INPP4B: variants seen among roughly 807,000 people sequenced by gnomAD.
INPP4B encodes the protein inositol polyphosphate-4-phosphatase type II B.
A neutral mutation model predicts 122.5 loss-of-function variants in INPP4B; 55 were observed. The observed-to-expected ratio is 0.45, with a 90% CI of 0.36 to 0.56. INPP4B has a LOEUF of 0.56. INPP4B is among the 20% of genes least tolerant of loss of function. The pLI, the probability that INPP4B is intolerant of heterozygous loss-of-function variation, is 0.00. For synonymous variants in INPP4B, 403 were observed against 388.7 expected (o/e 1.04, Z -0.43); for missense variants, 1,000 against 1,097.7 (o/e 0.91, Z 1.26).
intron 2 of INPP4B, among the ~76,000 whole-genome samples, chr4:142,521,928 G>T (rs978960131): frequency 6.6e-6 from 1 of 151,960 alleles, no homozygotes; most frequent in Admixed American, 6.6e-5. Context: ...AATTTGTTTG[G>T]TATTGAGAAA....
rs1272545548 is a variant in INPP4B at position 142,254,789 on chromosome 4, T to C, written c.688+5703A>G. 7.9e-5 allele frequency among the ~76,000 whole-genome samples: 12 copies of C among 152,252 alleles called. No individual in the cohort carries two copies. In the South Asian group the frequency reaches 1.9e-3, roughly 24 times the overall value. On this transcript the variant is annotated intron_variant, in intron 11 of 25. Transcript: ENST00000262992. ...AGGTGGAAAACACTCTGCAGGATATTATCCAGGAGAACTTCCCCAATCTAG... is the reference window on the plus strand; with the variant it reads ...AGGTGGAAAACACTCTGCAGGATATCATCCAGGAGAACTTCCCCAATCTAG...
intron 2 of INPP4B, among the ~76,000 whole-genome samples, chr4:142,557,418 T>C (rs1042801728): frequency 2.0e-5 from 3 of 151,974 alleles, no homozygotes; most frequent in East Asian, 1.9e-4. Flanking sequence ...GACCTTGAAG[T>C]TCACCTAGTC....
chr4:142,686,592 C>G (rs1759379163), intron 2 of INPP4B, among the ~76,000 whole-genome samples: 1 of 152,080 alleles, frequency 6.6e-6, no homozygotes, highest in South Asian at 2.1e-4. Context: ...AATATTGTTA[C>G]ATCTTTGACA....
intron 7 of INPP4B, among the ~76,000 whole-genome samples, chr4:142,359,740 G>GC (rs1407554027): frequency 6.6e-6 from 1 of 151,856 alleles, no homozygotes; most frequent in Non-Finnish European, 1.5e-5. Flanking sequence ...CTAGCTTTAT[G>GC]CTTTATGCTA....
At chr4:142,171,714 T>G (rs1036266889) in intron 16 of INPP4B, among the ~76,000 whole-genome samples, 4 of 151,782 alleles carry the variant, frequency 2.6e-5, no homozygotes, top group Admixed American at 6.6e-5. Flanking sequence ...TCCTCCTAGT[T>G]TTAAGGACTG....
chr4:142,152,539 C>T (rs913004369), intron 17 of INPP4B, among the ~76,000 whole-genome samples: 4 of 152,134 alleles, frequency 2.6e-5, no homozygotes, highest in Admixed American at 1.3e-4. Context: ...CCATCTTTTC[C>T]GACTGTCACA....
At chr4:142,727,848 A>C (rs1310336721) in intron 1 of INPP4B, among the ~76,000 whole-genome samples, 1 of 152,212 alleles carries the variant, frequency 6.6e-6, no homozygotes, top group Non-Finnish European at 1.5e-5. Context: ...ACTGCACTCC[A>C]GCTTGGGCAA....
chr4:142,459,254 A>G (rs1816196867), intron 3 of INPP4B, among the ~76,000 whole-genome samples: 1 of 151,160 alleles, frequency 6.6e-6, no homozygotes, highest in Admixed American at 6.6e-5. Flanking sequence ...TTTCACAGAT[A>G]CGGATCAAAG....
chr4:142,339,304 C>T (rs1053277392), intron 7 of INPP4B, among the ~76,000 whole-genome samples: 3 of 152,174 alleles, frequency 2.0e-5, no homozygotes, highest in Admixed American at 1.3e-4. Context: ...GACTTAATAG[C>T]CATGCTTGTG....
chr4:142,144,413 G>C (rs1263812035), intron 18 of INPP4B, among the ~76,000 whole-genome samples: 1 of 151,890 alleles, frequency 6.6e-6, no homozygotes, highest in Non-Finnish European at 1.5e-5. Flanking sequence ...AATGGACATA[G>C]TCACTAAAAT....
Position 142,652,172 on chromosome 4 carries a change from C to T in INPP4B, c.-191+73667G>A, listed in dbSNP as rs990028222. On this transcript the variant is annotated intron_variant, in intron 2 of 25. Coordinates refer to ENST00000262992, the MANE Select transcript of INPP4B (RefSeq NM_001101669.3). Reference sequence around the variant, plus strand: ...AAGGCCTTCGACAAAATTCGACAGCCCTTCATGCTAAAAACTCTCAATAAA... The same window carrying T: ...AAGGCCTTCGACAAAATTCGACAGCTCTTCATGCTAAAAACTCTCAATAAA... 1.4e-4 allele frequency among the ~76,000 whole-genome samples: 22 copies of T among 152,106 alleles called. 1 individual carries two copies. The highest frequency in any genetic ancestry group is 4.8e-4 in the African/African-American group (20 of 41,418).
intron 7 of INPP4B, chr4:142,317,671 C>T (rs1027645781): frequency 3.3e-5 from 5 of 152,476 alleles, no homozygotes; most frequent in African/African-American, 1.2e-4. Context: ...GAGGATTTTT[C>T]CACTCTGGAA....
intron 15 of INPP4B, among the ~76,000 whole-genome samples, chr4:142,191,680 G>T (rs1835895765): frequency 6.6e-6 from 1 of 152,174 alleles, no homozygotes; most frequent in Admixed American, 6.6e-5. Flanking sequence ...GGTAACCTGA[G>T]GGAGTTTCTT....
At chr4:142,354,275 A>T (rs1782877272) in intron 7 of INPP4B, among the ~76,000 whole-genome samples, 1 of 151,990 alleles carries the variant, frequency 6.6e-6, no homozygotes, top group Non-Finnish European at 1.5e-5. Flanking sequence ...ACACCTAAAA[A>T]TTCAGTAGAA....
intron 1 of INPP4B, among the ~76,000 whole-genome samples, chr4:142,788,959 A>T (rs997206920): frequency 5.9e-5 from 9 of 152,098 alleles, no homozygotes; most frequent in South Asian, 2.1e-4. Context: ...TGATACATCA[A>T]ATAAACAGAA....
At chr4:142,133,807 C>A (rs1202365020) in intron 18 of INPP4B, among the ~76,000 whole-genome samples, 1 of 152,188 alleles carries the variant, frequency 6.6e-6, no homozygotes, top group Non-Finnish European at 1.5e-5. Flanking sequence ...TATCCTTTCC[C>A]TAGATAGTCA....
intron 2 of INPP4B, among the ~76,000 whole-genome samples, chr4:142,597,995 G>A (rs1173041595): frequency 1.3e-5 from 2 of 152,094 alleles, no homozygotes; most frequent in Admixed American, 6.5e-5. Context: ...AGTTCAAGAT[G>A]GCTAACTAGA....
chr4:142,440,970 G>A (rs1224428567), intron 3 of INPP4B, among the ~76,000 whole-genome samples: 1 of 152,116 alleles, frequency 6.6e-6, no homozygotes, highest in Non-Finnish European at 1.5e-5. Context: ...TGTGTGTATG[G>A]TGGTGGTTAT....
chr4:142,663,227 TTTTG>T (rs1755502587), intron 2 of INPP4B, among the ~76,000 whole-genome samples: 1 of 152,316 alleles, frequency 6.6e-6, no homozygotes, highest in African/African-American at 2.4e-5. Context: ...TTAATATCTA[TTTTG>T]TTTATCTGTT....
Sources: gnomAD v4.1 joint callset for allele counts (sites outside exome capture counted in the v4.1 genomes callset) on GRCh38, gnomAD v4.1.1 for gene constraint, MANE v1.5 for transcripts, NCBI Gene and HGNC (gene_info 2026-07-23, HGNC 2026-07-21) for gene names.